Variants in SHOX observed in about 807,000 individuals in gnomAD.
SHOX encodes the protein short stature homeobox protein.
In SHOX, 12 loss-of-function variants were observed where a neutral mutation model predicts 29.6. The ratio of observed to expected loss-of-function variants is 0.41; its 90% CI spans 0.26 to 0.66. SHOX has a LOEUF of 0.66. Ranked by LOEUF, SHOX falls within the 30% of genes least tolerant of loss-of-function variation. SHOX has a pLI of 0.35. For synonymous variants in SHOX, 214 were observed against 200.6 expected, an observed-to-expected ratio of 1.07 and a Z score of -0.57; for missense variants, 499 against 437.7, an observed-to-expected ratio of 1.14 and a Z score of -1.25.
upstream of SHOX, among the ~76,000 whole-genome samples, chrX:626,636 CTCTT>C (rs1167328399): frequency 7.0e-6 from 1 of 143,708 alleles, no homozygotes; most frequent in Admixed American, 6.9e-5. Flanking sequence ...GTCTCTGTCT[CTCTT>C]TCTCTCCTCT....
downstream of SHOX, among the ~76,000 whole-genome samples, chrX:656,354 G>T (rs1195052681): frequency 1.3e-5 from 2 of 151,722 alleles, no homozygotes; most frequent in Non-Finnish European, 2.9e-5. Context: ...AGGCAGAATC[G>T]TTTGAGCCCA....
At position 644,611 on chromosome X, in the gene SHOX, A is replaced by C; in HGVS notation, c.854A>C (p.Lys285Thr). The stretch of plus-strand genomic sequence containing the variant: ...GCCGACCTGCGGCTCAAGGCGCGGA[A>C]GCACGCGGAGGCCCTGGGGCTCTGA... ...SIADLRLKAR[K>T]HAEALGL is the part of the protein sequence containing the mutation. Residue 285 changes from lysine (K) to threonine (T), a missense_variant, in exon 5 of 5, where the codon AAG becomes ACG. Coordinates refer to ENST00000686671, the MANE Select transcript of SHOX (RefSeq NM_000451.4). 1 of 1,508,274 alleles carries C rather than the reference A, an allele frequency of 6.6e-7. No individual in the cohort carries two copies. The highest frequency in any genetic ancestry group is 2.6e-5 in the East Asian group (1 of 37,782). 93.4% of individuals were successfully genotyped at this position (1,508,274 alleles called of 1,614,324 possible).
At chrX:632,622 C>T (rs1040947188) in intron 1 of SHOX, among the ~76,000 whole-genome samples, 8 of 152,170 alleles carry the variant, frequency 5.3e-5, no homozygotes. Context: ...TCGTAGGAGG[C>T]ACCAGGCAGC....
intron 1 of SHOX, among the ~76,000 whole-genome samples, chrX:625,134 T>C (rs118144258): frequency 0.6 from 79,279 of 131,130 alleles, 24,726 homozygotes; most frequent in Non-Finnish European, 0.64. Context: ...CTTTCTTTTT[T>C]CTTTCTCTTT....
rs1007989227 is a variant in SHOX at position 641,140 on chromosome X, C to G, written c.633+53C>G. ...TCCCTAGGGACCTGCTGCTCCCTTC[C>G]CCTTTCCCCTATTTGCTGCCGCATC... On this transcript the variant is annotated intron_variant, in intron 4 of 4. Coordinates refer to ENST00000686671, the MANE Select transcript of SHOX (RefSeq NM_000451.4). 7 of 1,523,864 alleles carry G rather than the reference C, an allele frequency of 4.6e-6. No homozygotes were observed. In the African/African-American group the frequency reaches 9.6e-5, roughly 21 times the overall value. 94.4% of individuals were successfully genotyped at this position (1,523,864 alleles called of 1,614,324 possible).
intron 4 of SHOX, among the ~76,000 whole-genome samples, chrX:643,166 G>A: frequency 1.3e-5 from 2 of 148,608 alleles, no homozygotes; most frequent in Non-Finnish European, 3.0e-5. Flanking sequence ...GAGCCTTGGG[G>A]ATCTGGTGTC....
chrX:634,841 G>A lies in SHOX; in HGVS notation c.486+15G>A, dbSNP rs745571797. The stretch of plus-strand genomic sequence containing the variant: ...CGCGCGTGCAGGTAGGAACCCGGGG[G>A]CGGGGGCGGGGGGCCCGGAGCCATC... On this transcript the variant is annotated intron_variant, in intron 2 of 4. Coordinates refer to ENST00000686671, the MANE Select transcript of SHOX (RefSeq NM_000451.4). The A allele has an allele frequency of 9.7e-6, 15 of 1,549,766 alleles. No individual in the cohort carries two copies. Among genetic ancestry groups the A allele is most frequent in the Middle Eastern group, 4.0e-4 (2 of 4,942 alleles).
chrX:658,458 C>G (rs1345342892), intron 5 of SHOX, among the ~76,000 whole-genome samples: 3 of 149,618 alleles, frequency 2.0e-5, no homozygotes, highest in East Asian at 4.0e-4. Flanking sequence ...AAGGCATGTT[C>G]TCAAAAAGAA....
Position 631,084 on chromosome X carries a change from G to C in SHOX, c.187G>C (p.Gly63Arg). The C allele has an allele frequency of 6.2e-7, 1 of 1,613,760 alleles. No homozygotes were observed. The highest frequency in any genetic ancestry group is 8.5e-7 in the Non-Finnish European group (1 of 1,179,860). The change falls in exon 1 of 5, where the codon GGC (glycine) becomes CGC (arginine). Residue 63 changes from glycine (G) to arginine (R), a missense_variant. Physicochemically the swap from Gly to Arg is moderately radical, Grantham distance 125. Coordinates refer to ENST00000686671, the MANE Select transcript of SHOX (RefSeq NM_000451.4). ...DSSLQDITEG[G>R]GHCPVHLFKD... ...CAGCCTCCAGGACATCACGGAGGGC[G>C]GCGGCCACTGCCCGGTGCATTTGTT...
At chrX:626,516 C>G (rs187292767), upstream of SHOX, among the ~76,000 whole-genome samples, 195 of 91,898 alleles carry the variant, frequency 2.1e-3, no homozygotes, top group African/African-American at 7.6e-3. Flanking sequence ...CTCTTTTTCT[C>G]TGTCTCTCTC....
chrX:643,272 TGGGG>T (rs1196447610), intron 4 of SHOX, among the ~76,000 whole-genome samples: 5 of 140,564 alleles, frequency 3.6e-5, no homozygotes, highest in African/African-American at 1.4e-4. Flanking sequence ...GGGAGAGGCT[TGGGG>T]ACCTGGTGTC....
downstream of SHOX, among the ~76,000 whole-genome samples, chrX:653,133 C>A (rs1333172677): frequency 6.6e-6 from 1 of 152,108 alleles, no homozygotes; most frequent in Non-Finnish European, 1.5e-5. Flanking sequence ...CCCAGCTACT[C>A]AGGAAGCTGA....
chrX:634,613 C>T lies in SHOX; in HGVS notation c.278-5C>T, dbSNP rs757485745. The T allele has an allele frequency of 3.1e-6, 5 of 1,613,372 alleles. No homozygotes were observed. Among genetic ancestry groups the T allele is most frequent in the East Asian group, 2.2e-5 (1 of 44,880 alleles). ...TCAGCCCTGTGCCCTCCGCTCCCCA[C>T]GCAGGGATTTATGAATGCAAAGAGA... On this transcript the variant is annotated splice_region_variant and splice_polypyrimidine_tract_variant and intron_variant, in intron 1 of 4. Transcript: ENST00000686671.
downstream of SHOX, among the ~76,000 whole-genome samples, chrX:654,169 G>T (rs2053105921): frequency 6.6e-6 from 1 of 151,906 alleles, no homozygotes; most frequent in Admixed American, 6.6e-5. Flanking sequence ...TGGGCTCGGT[G>T]GCTCACACCT....
At chrX:639,982 G>C (rs1207867541) in intron 2 of SHOX, among the ~76,000 whole-genome samples, 9 of 151,722 alleles carry the variant, frequency 5.9e-5, no homozygotes, top group South Asian at 2.1e-4. Context: ...GCCTGGATGA[G>C]AGAGCAAGAC....
Position 640,872 on chromosome X carries a change from C to T in SHOX, c.538C>T (p.His180Tyr), listed in dbSNP as rs371772960. 3 of 1,613,776 alleles carry T rather than the reference C, an allele frequency of 1.9e-6. No individual in the cohort carries two copies. Among genetic ancestry groups the T allele is most frequent in the Non-Finnish European group, 2.5e-6 (3 of 1,179,870 alleles). The stretch of plus-strand genomic sequence containing the variant: ...GTGCCGCAAACAAGAGAATCAGATG[C>T]ATAAAGGTGGGTGTCGGGACTGGGG... The part of the protein sequence containing the change: ...AKCRKQENQM[H>Y]KGVILGTANH... The change falls in exon 3 of 5, where the codon CAT (histidine) becomes TAT (tyrosine). Residue 180 changes from histidine to tyrosine, a missense_variant. By Grantham distance (83) the His-to-Tyr change is moderately conservative. Coordinates refer to ENST00000686671, the MANE Select transcript of SHOX (RefSeq NM_000451.4).
At chrX:653,621 TTAAA>T (rs1367217006), downstream of SHOX, among the ~76,000 whole-genome samples, 5 of 134,552 alleles carry the variant, frequency 3.7e-5, no homozygotes, top group Non-Finnish European at 7.8e-5. Flanking sequence ...TTGACCACAT[TTAAA>T]AAAAAAAAAA....
At chrX:627,161 C>G (rs1188826110), upstream of SHOX, among the ~76,000 whole-genome samples, 1 of 152,300 alleles carries the variant, frequency 6.6e-6, no homozygotes, top group South Asian at 2.1e-4. Flanking sequence ...GAGGTGCAGA[C>G]CCTGCTTTCT....
At chrX:632,044 C>T (rs1299584004) in intron 1 of SHOX, 1 of 454,032 alleles carries the variant, frequency 2.2e-6, no homozygotes, top group African/African-American at 2.0e-5. Context: ...AGGAACCCTT[C>T]ATTATTATTT....
Sources: allele counts gnomAD v4.1 joint callset (sites outside exome capture counted in the v4.1 genomes callset), GRCh38; gene constraint gnomAD v4.1.1; transcripts MANE v1.5; gene names NCBI Gene and HGNC (gene_info 2026-07-23, HGNC 2026-07-21).